HOMER2: variants seen among roughly 807,000 people sequenced by gnomAD.
HOMER2 encodes homer scaffold protein 2.
HOMER2 carries 27 observed loss-of-function variants against 47.0 expected under a neutral mutation model. The observed-to-expected ratio is 0.57, with a 90% CI of 0.42 to 0.79. The LOEUF is 0.79. Ranked by LOEUF, HOMER2 falls within the 30% of genes least tolerant of loss-of-function variation. The pLI, the probability that HOMER2 is intolerant of heterozygous loss-of-function variation, is 0.00. For missense variants in HOMER2, 443 were observed against 435.0 expected, an observed-to-expected ratio of 1.02 and a Z score of -0.16; for synonymous variants, 161 against 163.8, an observed-to-expected ratio of 0.98 and a Z score of 0.13.
intron 1 of HOMER2, among the ~76,000 whole-genome samples, chr15:82,919,132 A>C (rs1319878005): frequency 1.3e-5 from 2 of 152,128 alleles, no homozygotes. Context: ...CATATTTTCC[A>C]TGTGTCCGTG....
At chr15:82,868,835 G>A (rs1242498194) in intron 3 of HOMER2, among the ~76,000 whole-genome samples, 1 of 142,538 alleles carries the variant, frequency 7.0e-6, no homozygotes, top group East Asian at 2.2e-4. Context: ...AGAGGCATGA[G>A]CCACTGCGCT....
chr15:82,953,112 A>G (rs1370136807), upstream of HOMER2, among the ~76,000 whole-genome samples: 2 of 152,160 alleles, frequency 1.3e-5, no homozygotes, highest in African/African-American at 4.8e-5. Flanking sequence ...TCACACATTC[A>G]GATTAGAGTT....
intron 1 of HOMER2, among the ~76,000 whole-genome samples, chr15:82,977,374 C>T (rs923939927): frequency 2.0e-5 from 3 of 152,158 alleles, no homozygotes; most frequent in African/African-American, 7.2e-5. Flanking sequence ...ATTTTCCAGT[C>T]TTGTTGAAGG....
At chr15:82,889,095 C>T (rs955130096) in intron 2 of HOMER2, among the ~76,000 whole-genome samples, 6 of 152,210 alleles carry the variant, frequency 3.9e-5, no homozygotes, top group African/African-American at 1.4e-4. Flanking sequence ...AGAGGCAGGA[C>T]TCAGGCACTA....
intron 1 of HOMER2, among the ~76,000 whole-genome samples, chr15:82,897,555 A>G (rs570517898): frequency 6.6e-6 from 1 of 152,278 alleles, no homozygotes; most frequent in East Asian, 1.9e-4. Context: ...CTTGCTTTTA[A>G]CCAACAGAAT....
chr15:82,930,747 T>C (rs2053984730), intron 1 of HOMER2, among the ~76,000 whole-genome samples: 1 of 152,188 alleles, frequency 6.6e-6, no homozygotes, highest in Admixed American at 6.5e-5. Flanking sequence ...GCATTCTGGC[T>C]GGGTGTGGTG....
chr15:82,914,178 TACAC>T (rs58323062), intron 1 of HOMER2, among the ~76,000 whole-genome samples: 11,393 of 116,584 alleles, frequency 0.098, 508 homozygotes, highest in Middle Eastern at 0.16. Flanking sequence ...CTACTAAAAA[TACAC>T]ACACACACAC....
intron 6 of HOMER2, 86 bp downstream of exon 6, chr15:82,854,558 G>T: frequency 2.8e-6 from 4 of 1,409,386 alleles, no homozygotes; most frequent in Non-Finnish European, 3.8e-6. Context: ...GCAAAGTTGG[G>T]GAGGGAGAAA....
exon 2 of HOMER2, chr15:82,843,631 A>G (rs756094601): frequency 6.6e-6 from 1 of 151,748 alleles, no homozygotes; most frequent in Non-Finnish European, 1.5e-5. Flanking sequence ...TACAATGTTT[A>G]TGAAATAAAC....
intron 1 of HOMER2, among the ~76,000 whole-genome samples, chr15:82,907,663 G>T (rs1299848352): frequency 6.6e-6 from 1 of 152,136 alleles, no homozygotes; most frequent in Non-Finnish European, 1.5e-5. Flanking sequence ...ATTGATCCAA[G>T]AAGAGTAGAT....
chr15:82,979,641 A>G (rs548504647), intron 1 of HOMER2, among the ~76,000 whole-genome samples: 3 of 152,140 alleles, frequency 2.0e-5, no homozygotes, highest in Non-Finnish European at 4.4e-5. Flanking sequence ...CAGAAGAGAA[A>G]GTTCAGTCAG....
intron 3 of HOMER2, among the ~76,000 whole-genome samples, chr15:82,868,473 A>G (rs1370129629): frequency 1.4e-5 from 2 of 141,814 alleles, no homozygotes; most frequent in African/African-American, 5.2e-5. Flanking sequence ...GGAAAAATAT[A>G]TATTTTTTAA....
chr15:82,921,433 T>C (rs1415248482), intron 1 of HOMER2, among the ~76,000 whole-genome samples: 1 of 152,126 alleles, frequency 6.6e-6, no homozygotes, highest in African/African-American at 2.4e-5. Flanking sequence ...ACTTTCCCCC[T>C]TTCCCCACGC....
chr15:82,862,436 C>A (rs1045436048), intron 4 of HOMER2, among the ~76,000 whole-genome samples: 1 of 152,174 alleles, frequency 6.6e-6, no homozygotes, highest in African/African-American at 2.4e-5. Context: ...CACAGCAAGA[C>A]CCCGTCTCAA....
chr15:82,870,116 T>C (rs1308462100), intron 3 of HOMER2, among the ~76,000 whole-genome samples: 1 of 152,236 alleles, frequency 6.6e-6, no homozygotes, highest in Non-Finnish European at 1.5e-5. Flanking sequence ...ATTTGTGGCT[T>C]CTTTTGGCCT....
intron 4 of HOMER2, among the ~76,000 whole-genome samples, chr15:82,861,604 TTTTTGTAA>T (rs1367434865): frequency 6.6e-6 from 1 of 152,224 alleles, no homozygotes; most frequent in African/African-American, 2.4e-5. Context: ...ATTTTAAGTG[TTTTTGTAA>T]TTAGGCTGCT....
At chr15:82,912,170 G>A (rs192217704) in intron 1 of HOMER2, among the ~76,000 whole-genome samples, 123 of 152,054 alleles carry the variant, frequency 8.1e-4, no homozygotes, top group Middle Eastern at 3.4e-3. Flanking sequence ...ACAGAATTGC[G>A]TAACCATCAC....
At chr15:82,930,641 T>C (rs957580143) in intron 1 of HOMER2, among the ~76,000 whole-genome samples, 1 of 152,156 alleles carries the variant, frequency 6.6e-6, no homozygotes, top group African/African-American at 2.4e-5. Flanking sequence ...ACATGGACAG[T>C]CATGTGGCAG....
intron 1 of HOMER2, among the ~76,000 whole-genome samples, chr15:82,915,790 G>A (rs2053575320): frequency 6.6e-6 from 1 of 152,204 alleles, no homozygotes; most frequent in South Asian, 2.1e-4. Flanking sequence ...CCAAAGGATA[G>A]TCACTGAAGA....
Sources: gnomAD v4.1 joint callset for allele counts (sites outside exome capture counted in the v4.1 genomes callset) on GRCh38, gnomAD v4.1.1 for gene constraint, MANE v1.5 for transcripts, NCBI Gene and HGNC (gene_info 2026-07-23, HGNC 2026-07-21) for gene names.